RGMB: variants seen among roughly 807,000 people sequenced by gnomAD.
RGMB encodes the protein repulsive guidance molecule B.
Under a neutral mutation model 26.9 loss-of-function variants are expected in RGMB, and 16 were observed. The observed-to-expected ratio is 0.60, with a 90% CI of 0.40 to 0.90. The LOEUF (loss-of-function observed/expected upper bound fraction) is 0.90. Among genes scored for constraint, RGMB ranks in the 40% least tolerant of loss-of-function variants. The probability of loss-of-function intolerance (pLI) is 0.00; values close to 1 mark genes in which losing one functional copy is unlikely to be tolerated. For missense variants in RGMB, 512 were observed against 573.3 expected (o/e 0.89, Z 1.09); for synonymous variants, 225 against 229.3 (o/e 0.98, Z 0.17).
rs934774920 is a variant in RGMB, at chr5:98,793,297, T to G, written c.858T>G (p.Gly286=). The G allele has an allele frequency of 1.2e-6, 2 of 1,613,568 alleles. No homozygotes were observed. The highest frequency in any genetic ancestry group is 1.7e-5 in the Admixed American group (1 of 59,944). The part of the protein sequence containing the change: ...IGTTVFVRQV[G]RYLTLAIRMP... ...CCACAGTGTTTGTGCGGCAGGTGGG[T>G]CGCTACCTGACCCTTGCCATCCGTA... The change falls in exon 3 of 3, where the codon GGT becomes GGG. Residue 286 remains glycine, a synonymous_variant. Transcript: ENST00000513185.
chr5:98,783,341 G>T (rs1746667582), intron 2 of RGMB, among the ~76,000 whole-genome samples: 1 of 152,202 alleles, frequency 6.6e-6, no homozygotes, highest in Non-Finnish European at 1.5e-5. Context: ...CCCACCTTTG[G>T]CTGTGAGAGG....
chr5:98,769,323 CT>C (rs1324394788), upstream of RGMB: 1 of 152,480 alleles, frequency 6.6e-6, no homozygotes, highest in Non-Finnish European at 1.5e-5. Context: ...AGAAAGCTGC[CT>C]GGAGGAAGCT....
At chr5:98,770,297 T>TAAA (rs1746110567), upstream of RGMB, 1 of 264,518 alleles carries the variant, frequency 3.8e-6, no homozygotes, top group Admixed American at 5.4e-5. Flanking sequence ...GTAAAGCTTT[T>TAAA]AAGGCCTTCT....
At chr5:98,789,531 T>G (rs563561865) in intron 2 of RGMB, among the ~76,000 whole-genome samples, 99 of 152,348 alleles carry the variant, frequency 6.5e-4, no homozygotes, top group African/African-American at 2.3e-3. Flanking sequence ...TTAAAATTAT[T>G]TCACAGCAAA....
intron 2 of RGMB, among the ~76,000 whole-genome samples, chr5:98,789,079 G>A (rs1367726104): frequency 6.6e-6 from 1 of 152,110 alleles, no homozygotes; most frequent in Non-Finnish European, 1.5e-5. Flanking sequence ...AAAATTCATC[G>A]ACTTCTTTGA....
At chr5:98,776,196 A>G (rs528427241) in intron 1 of RGMB, among the ~76,000 whole-genome samples, 1 of 152,328 alleles carries the variant, frequency 6.6e-6, no homozygotes, top group African/African-American at 2.4e-5. Context: ...GATGAAATGA[A>G]AGCTCTAGAC....
At chr5:98,778,792 T>A (rs777410539) in intron 1 of RGMB, among the ~76,000 whole-genome samples, 1 of 152,210 alleles carries the variant, frequency 6.6e-6, no homozygotes, top group Non-Finnish European at 1.5e-5. Context: ...AATGTTTATA[T>A]GAATTGTTTT....
At chr5:98,780,202 G>A in intron 2 of RGMB, 114 bp downstream of exon 2, 1 of 921,310 alleles carries the variant, frequency 1.1e-6, no homozygotes, top group Non-Finnish European at 1.6e-6. Context: ...AACTTCTTTT[G>A]AAAAGCAATT....
chr5:98,775,893 G>A (rs1371694308), intron 1 of RGMB, among the ~76,000 whole-genome samples: 1 of 152,216 alleles, frequency 6.6e-6, no homozygotes, highest in Non-Finnish European at 1.5e-5. Flanking sequence ...CTCCTTTTGA[G>A]AGATTTCTTT....
intron 2 of RGMB, among the ~76,000 whole-genome samples, chr5:98,792,465 GGCTCAT>G (rs968630497): frequency 6.6e-5 from 10 of 152,176 alleles, no homozygotes; most frequent in African/African-American, 2.4e-4. Context: ...CTGGCACAGT[GGCTCAT>G]GCCTGTAATC....
intron 2 of RGMB, 117 bp from the exon 3 acceptor site, chr5:98,792,968 G>T: frequency 1.4e-6 from 1 of 730,910 alleles, no homozygotes; most frequent in Non-Finnish European, 2.2e-6. Context: ...GGTCCATTTT[G>T]GAGATTCCGC....
chr5:98,786,680 CTTG>C (rs1401952505), intron 2 of RGMB, among the ~76,000 whole-genome samples: 1 of 152,104 alleles, frequency 6.6e-6, no homozygotes, highest in African/African-American at 2.4e-5. Context: ...ATTTTGTGTT[CTTG>C]TGGGTGGGGT....
intron 1 of RGMB, 80 bp downstream of exon 1, chr5:98,774,286 T>C (rs776491950): frequency 5.0e-5 from 65 of 1,296,470 alleles, no homozygotes; most frequent in Non-Finnish European, 6.4e-5. Context: ...TCGAAGGCGC[T>C]CGCCGGGGCG....
chr5:98,779,671 C>A lies in RGMB; in HGVS notation c.228C>A (p.Gly76=). Residue 76 remains glycine (G), a synonymous_variant, in exon 2 of 3, where the codon GGC becomes GGA. Transcript: ENST00000513185. ...LTSHLNSAVD[G]FDSEFCKALR... is the part of the protein sequence containing the mutation. The stretch of plus-strand genomic sequence containing the variant: ...CTCACCTGAACTCTGCCGTTGACGG[C>A]TTTGACTCTGAGTTTTGCAAGGCCT... 1 of 1,583,618 alleles carries A rather than the reference C, an allele frequency of 6.3e-7. No homozygotes were observed. Among genetic ancestry groups the A allele is most frequent in the Non-Finnish European group, 8.6e-7 (1 of 1,162,084 alleles).
In RGMB at chr5:98,794,672, C is replaced by G. The variant is rs1747059217; in HGVS notation, c.*919C>G. ...ACTGATGCAAGCCCCTCTTCTTAAC[C>G]GTTTCTTGGCTTTGAGCCCAGAAAC... On this transcript the variant is annotated 3_prime_UTR_variant, in exon 3 of 3. Transcript: ENST00000513185. 1.3e-5 allele frequency: 2 copies of G among 152,204 alleles called. No homozygotes were observed. The highest frequency in any genetic ancestry group is 4.8e-5 in the African/African-American group (2 of 41,436). 9.4% of individuals were successfully genotyped at this position (152,204 alleles called of 1,614,324 possible).
chr5:98,781,106 C>G (rs1436523577), intron 2 of RGMB: 2 of 152,186 alleles, frequency 1.3e-5, no homozygotes, highest in African/African-American at 4.8e-5. Context: ...CGACTGTTCT[C>G]TTGATTCCAG....
intron 2 of RGMB, among the ~76,000 whole-genome samples, chr5:98,791,387 T>A (rs1337017260): frequency 6.6e-6 from 1 of 151,362 alleles, no homozygotes; most frequent in African/African-American, 2.4e-5. Context: ...GTAACACCAG[T>A]GGGAACAAGT....
chr5:98,796,336 T>TTCCCC lies in RGMB; in HGVS notation c.*2583_*2584insTCCCC, dbSNP rs1747122119. On this transcript the variant is annotated 3_prime_UTR_variant, in exon 3 of 3. Coordinates refer to ENST00000513185, the MANE Select transcript of RGMB (RefSeq NM_001366508.1). ...TGTCCTCTTTGTTATGCTTGGAAGC[T>TTCCCC]CCCCCCCCCCCAACAGTGTGTCGAG... 3 of 93,706 alleles carry TTCCCC rather than the reference T, an allele frequency of 3.2e-5. No homozygotes were observed. The highest frequency in any genetic ancestry group is 4.7e-5 in the Non-Finnish European group (2 of 42,716). 5.8% of individuals were successfully genotyped at this position (93,706 alleles called of 1,614,324 possible). A position where few individuals can be genotyped will look rare whatever the true frequency, so the allele number is the denominator to read the frequency against.
chr5:98,777,925 C>G (rs957472915), intron 1 of RGMB, among the ~76,000 whole-genome samples: 5 of 152,144 alleles, frequency 3.3e-5, no homozygotes, highest in African/African-American at 1.2e-4. Context: ...CAAGCCTAGA[C>G]TATATAGTAT....
Sources: allele counts gnomAD v4.1 joint callset (sites outside exome capture counted in the v4.1 genomes callset), GRCh38; gene constraint gnomAD v4.1.1; transcripts MANE v1.5; gene names NCBI Gene and HGNC (gene_info 2026-07-23, HGNC 2026-07-21).